The following NBEA variants were observed in gnomAD, a reference collection of about 807,000 sequenced individuals.
The protein encoded by NBEA is neurobeachin.
A neutral mutation model predicts 343.4 loss-of-function variants in NBEA; 44 were observed. The ratio of observed to expected loss-of-function variants is 0.13; its 90% CI spans 0.10 to 0.16. The LOEUF is 0.16. NBEA is among the 10% of genes least tolerant of loss of function. The pLI is 1.00. For synonymous variants in NBEA, 1,175 were observed against 1,238.7 expected (o/e 0.95, Z 1.08); for missense variants, 2,555 against 3,631.3 (o/e 0.70, Z 7.62).
chr13:35,277,979 T>C (rs1348451983), intron 34 of NBEA, among the ~76,000 whole-genome samples: 1 of 150,990 alleles, frequency 6.6e-6, no homozygotes, highest in Non-Finnish European at 1.5e-5. Context: ...CTGAGCTACT[T>C]GGGAGGCTGA....
chr13:35,366,009 G>T (rs1314410631), intron 38 of NBEA, among the ~76,000 whole-genome samples: 1 of 151,546 alleles, frequency 6.6e-6, no homozygotes, highest in Admixed American at 6.6e-5. Context: ...GCCCTAGAGT[G>T]CTGTATTTTG....
chr13:35,264,625 A>G (rs1327428758), intron 34 of NBEA, among the ~76,000 whole-genome samples: 3 of 151,934 alleles, frequency 2.0e-5, no homozygotes, highest in Admixed American at 2.0e-4. Context: ...ATACATCACA[A>G]TAACAGATTG....
At chr13:35,077,842 C>A (rs1294950210) in intron 10 of NBEA, among the ~76,000 whole-genome samples, 2 of 152,078 alleles carry the variant, frequency 1.3e-5, no homozygotes, top group Non-Finnish European at 2.9e-5. Context: ...ACCCAAATTC[C>A]TATATATAGC....
intron 34 of NBEA, among the ~76,000 whole-genome samples, chr13:35,275,813 T>C (rs906636822): frequency 5.3e-5 from 8 of 152,122 alleles, no homozygotes; most frequent in African/African-American, 1.9e-4. Context: ...AGATACCATC[T>C]CATGCCAGTT....
intron 41 of NBEA, among the ~76,000 whole-genome samples, chr13:35,530,492 G>A (rs1247867616): frequency 2.0e-5 from 3 of 152,128 alleles, no homozygotes; most frequent in African/African-American, 7.2e-5. Flanking sequence ...AAGCTGTAGG[G>A]GCCCTTCTTG....
In NBEA at chr13:35,182,450, C is replaced by T; in HGVS notation, c.4753C>T (p.Pro1585Ser). The T allele has an allele frequency of 6.2e-7, 1 of 1,610,514 alleles. No individual in the cohort carries two copies. Among genetic ancestry groups the T allele is most frequent in the Non-Finnish European group, 8.5e-7 (1 of 1,177,768 alleles). ...MVSKYRDILE[P>S]QRETTRTGSQ... ...TTCCAAGTATCGTGACATATTAGAACCCCAGAGAGAGACTACAAGAACTGG... is the reference window on the plus strand; with the variant it reads ...TTCCAAGTATCGTGACATATTAGAATCCCAGAGAGAGACTACAAGAACTGG... The change falls in exon 29 of 59, where the codon CCC becomes TCC. Residue 1585 changes from proline (P) to serine (S), a missense_variant. Around this residue, in one of 21 missense-constraint regions of NBEA, gnomAD observed 270 missense variants for 293.3 expected, o/e 0.92. Coordinates refer to ENST00000379939, the MANE Select transcript of NBEA (RefSeq NM_001385012.1).
chr13:35,435,141 G>A, intron 39 of NBEA, among the ~76,000 whole-genome samples: 1 of 152,190 alleles, frequency 6.6e-6, no homozygotes, highest in South Asian at 2.1e-4. Context: ...CGATTCTTCT[G>A]CTGGGATTAC....
chr13:35,115,843 A>G (rs999685423), intron 13 of NBEA, among the ~76,000 whole-genome samples: 2 of 152,234 alleles, frequency 1.3e-5, no homozygotes, highest in Non-Finnish European at 2.9e-5. Context: ...TCCTCACAAG[A>G]TGTCCTATGA....
intron 16 of NBEA, among the ~76,000 whole-genome samples, chr13:35,120,672 A>ATTGTTATTT (rs1566316799): frequency 1.3e-5 from 2 of 149,130 alleles, no homozygotes; most frequent in Admixed American, 6.6e-5. Context: ...AATTGGGCTT[A>ATTGTTATTT]AGGAAGCCCT....
chr13:35,031,329 A>G (rs2062209211), intron 1 of NBEA, among the ~76,000 whole-genome samples: 2 of 151,642 alleles, frequency 1.3e-5, no homozygotes, highest in African/African-American at 4.8e-5. Context: ...GTTTTATAGT[A>G]AGACAATGGT....
chr13:35,065,792 G>T (rs2063629322), intron 8 of NBEA, among the ~76,000 whole-genome samples: 1 of 151,956 alleles, frequency 6.6e-6, no homozygotes, highest in Admixed American at 6.6e-5. Flanking sequence ...TGGTTATTTA[G>T]GAATGTGTTT....
intron 22 of NBEA, among the ~76,000 whole-genome samples, chr13:35,161,106 A>G (rs1260874377): frequency 1.3e-5 from 2 of 152,162 alleles, no homozygotes; most frequent in Non-Finnish European, 2.9e-5. Flanking sequence ...TTGTAGTGAT[A>G]ATTGGCAGGA....
Position 34,942,842 on chromosome 13 carries a change from C to T in NBEA, c.22C>T (p.Pro8Ser), listed in dbSNP as rs1239896663. The T allele has an allele frequency of 3.7e-6, 5 of 1,366,768 alleles. No individual in the cohort carries two copies. The highest frequency in any genetic ancestry group is 3.0e-5 in the East Asian group (1 of 33,782). 84.7% of individuals were successfully genotyped at this position (1,366,768 alleles called of 1,614,324 possible). The stretch of plus-strand genomic sequence containing the variant: ...GCCAATGGCTAGCGAGAAGCCGGGC[C>T]CGGGCCCGGGGCTCGAGCCTCAGCC... MASEKPG[P>S]GPGLEPQPVG... is the part of the protein sequence containing the mutation. The change falls in exon 1 of 59, where the codon CCG (proline) becomes TCG (serine). Residue 8 changes from proline (P) to serine (S), a missense_variant. Around this residue, in one of 21 missense-constraint regions of NBEA, gnomAD observed 122 missense variants for 91.0 expected, o/e 1.34. Coordinates refer to ENST00000379939, the MANE Select transcript of NBEA (RefSeq NM_001385012.1).
At chr13:35,460,966 G>T (rs1053543420) in intron 40 of NBEA, among the ~76,000 whole-genome samples, 1 of 152,210 alleles carries the variant, frequency 6.6e-6, no homozygotes, top group African/African-American at 2.4e-5. Flanking sequence ...GGGGCTGAGG[G>T]AACTCACATG....
chr13:35,248,818 A>G (rs1208815280), intron 34 of NBEA, among the ~76,000 whole-genome samples: 1 of 152,074 alleles, frequency 6.6e-6, no homozygotes, highest in Non-Finnish European at 1.5e-5. Context: ...TAAATGTAAC[A>G]CCCAAAACTG....
chr13:35,049,136 T>G (rs1255558649), intron 5 of NBEA, among the ~76,000 whole-genome samples: 1 of 151,900 alleles, frequency 6.6e-6, no homozygotes, highest in Non-Finnish European at 1.5e-5. Flanking sequence ...GATTATTTGG[T>G]GTAGACAACT....
At chr13:35,461,232 T>C (rs913363023) in intron 40 of NBEA, among the ~76,000 whole-genome samples, 1 of 152,202 alleles carries the variant, frequency 6.6e-6, no homozygotes, top group Non-Finnish European at 1.5e-5. Context: ...ATTTGCATTT[T>C]TTGTTAATTT....
chr13:35,625,695 G>A (rs2083199435), intron 48 of NBEA, among the ~76,000 whole-genome samples: 2 of 151,808 alleles, frequency 1.3e-5, no homozygotes, highest in African/African-American at 4.8e-5. Context: ...TGTTTAAATG[G>A]GTAAGGGATA....
chr13:35,670,240 A>G (rs1361771807), intron 58 of NBEA, among the ~76,000 whole-genome samples: 1 of 152,200 alleles, frequency 6.6e-6, no homozygotes, highest in Non-Finnish European at 1.5e-5. Flanking sequence ...TCCCTGAAAA[A>G]GAAGCCTCAG....
Sources: gnomAD v4.1 joint callset for allele counts (sites outside exome capture counted in the v4.1 genomes callset) on GRCh38, gnomAD v4.1.1 for gene constraint, gnomAD v4.1.1 regional missense constraint, MANE v1.5 for transcripts, NCBI Gene and HGNC (gene_info 2026-07-23, HGNC 2026-07-21) for gene names.